Variants in ZNF469 observed in about 807,000 individuals in gnomAD.
The protein encoded by ZNF469 is zinc finger protein 469.
Under a neutral mutation model 1.0 loss-of-function variants are expected in ZNF469, and 1 was observed. That is an observed-to-expected ratio of 1.00 (90% CI 0.35 to 4.73). The LOEUF (loss-of-function observed/expected upper bound fraction) is 4.73. ZNF469 is among the 30% of genes most tolerant of loss of function. ZNF469 has a pLI of 0.16. For missense variants in ZNF469, 6,100 were observed against 5,356.3 expected (o/e 1.14, Z -4.33); for synonymous variants, 2,703 against 2,363.4 (o/e 1.14, Z -4.17).
chr16:88,381,502 A>G (rs2092525324), upstream of ZNF469, among the ~76,000 whole-genome samples: 1 of 152,240 alleles, frequency 6.6e-6, no homozygotes, highest in Non-Finnish European at 1.5e-5. Context: ...GAAGGAAGGA[A>G]ACGCCCTCTG....
chr16:88,204,493 G>A, the ZNF469 span, among the ~76,000 whole-genome samples: 2 of 152,226 alleles, frequency 1.3e-5, no homozygotes, highest in African/African-American at 2.4e-5. Flanking sequence ...GGCCCTCCTC[G>A]TCCCTCTTCG....
Position 88,427,533 on chromosome 16 carries a change from C to A in ZNF469, c.63C>A (p.Arg21=). 6.5e-7 allele frequency: 1 copy of A among 1,535,932 alleles called. No individual in the cohort carries two copies. Among genetic ancestry groups the A allele is most frequent in the Non-Finnish European group, 8.7e-7 (1 of 1,145,738 alleles). ...CCATGACTGGAGACCTGCAGCCCCG[C>A]CAAGTTGCCAGCAGCCCGGGGCACC... is the stretch of plus-strand genomic sequence containing the variant. The part of the protein sequence containing the change: ...PPTMTGDLQP[R]QVASSPGHPS... The change falls in exon 3 of 3, where the codon CGC becomes CGA. Residue 21 remains arginine, a synonymous_variant. Transcript: ENST00000565624.
chr16:88,297,197 C>T, the ZNF469 span, among the ~76,000 whole-genome samples: 2 of 152,134 alleles, frequency 1.3e-5, no homozygotes, highest in Non-Finnish European at 2.9e-5. Flanking sequence ...GGCTCAGTGG[C>T]GATGGGAGAT....
the ZNF469 span, among the ~76,000 whole-genome samples, chr16:88,206,435 G>C: frequency 6.6e-6 from 1 of 152,164 alleles, no homozygotes; most frequent in Non-Finnish European, 1.5e-5. Flanking sequence ...CTAAGAGCAA[G>C]CAGAGGCCCT....
At chr16:88,263,921 G>A in the ZNF469 span, among the ~76,000 whole-genome samples, 7 of 152,150 alleles carry the variant, frequency 4.6e-5, no homozygotes, top group African/African-American at 1.4e-4. Flanking sequence ...GCGTGGCCAT[G>A]AGACCCCAGG....
the ZNF469 span, among the ~76,000 whole-genome samples, chr16:88,247,243 G>A: frequency 6.7e-6 from 1 of 150,128 alleles, no homozygotes; most frequent in Non-Finnish European, 1.5e-5. Flanking sequence ...AGTGAATGGT[G>A]AATGAGTGAA....
chr16:88,301,345 G>A, the ZNF469 span, among the ~76,000 whole-genome samples: 2 of 152,150 alleles, frequency 1.3e-5, no homozygotes, highest in Admixed American at 6.5e-5. Flanking sequence ...TAGTAGAGAC[G>A]GGGTCTCACC....
At chr16:88,144,206 C>T in the ZNF469 span, among the ~76,000 whole-genome samples, 6 of 152,224 alleles carry the variant, frequency 3.9e-5, no homozygotes, top group East Asian at 1.9e-4. Flanking sequence ...AGGCCAAAGG[C>T]GTGGTGGGGA....
chr16:88,226,242 A>C, the ZNF469 span, among the ~76,000 whole-genome samples: 1 of 151,928 alleles, frequency 6.6e-6, no homozygotes, highest in East Asian at 1.9e-4. Flanking sequence ...TTAAGGCTTC[A>C]CCCCCAGCAC....
the ZNF469 span, among the ~76,000 whole-genome samples, chr16:88,260,941 G>T: frequency 6.6e-6 from 1 of 152,198 alleles, no homozygotes; most frequent in Non-Finnish European, 1.5e-5. This position sits in a 1 kb window ranked among gnomAD's most constrained non-coding sequence, Gnocchi z 4.1. Flanking sequence ...GCAGACTCTG[G>T]TGTGATGCAG....
chr16:88,385,829 G>A (rs1242139167), intron 1 of ZNF469, among the ~76,000 whole-genome samples: 3 of 151,996 alleles, frequency 2.0e-5, no homozygotes, highest in Non-Finnish European at 4.4e-5. Context: ...AAAATGGGGA[G>A]CCCTCACAGG....
At chr16:88,302,968 A>G in the ZNF469 span, among the ~76,000 whole-genome samples, 7 of 152,186 alleles carry the variant, frequency 4.6e-5, no homozygotes, top group Non-Finnish European at 7.3e-5. Context: ...GGAACTCAGC[A>G]GTGCCAGCCT....
At position 88,430,014 on chromosome 16, in the gene ZNF469, C is replaced by A. The variant is rs759928652; in HGVS notation, c.2544C>A (p.Leu848=). ...TGGACAGCCTCATCACAGAGGCGCT[C>A]AACGGCATGGAGTACCAGTCGGACA... ...AKLDSLITEA[L]NGMEYQSDNP... is the part of the protein sequence containing the mutation. The change falls in exon 3 of 3, where the codon CTC becomes CTA. Residue 848 remains leucine, a synonymous_variant. Coordinates refer to ENST00000565624, the MANE Select transcript of ZNF469 (RefSeq NM_001367624.2). The A allele has an allele frequency of 3.2e-6, 5 of 1,550,378 alleles. No individual in the cohort carries two copies. The highest frequency in any genetic ancestry group is 4.4e-6 in the Non-Finnish European group (5 of 1,146,966).
At chr16:88,199,752 G>A in the ZNF469 span, among the ~76,000 whole-genome samples, 1 of 152,228 alleles carries the variant, frequency 6.6e-6, no homozygotes, top group East Asian at 1.9e-4. Context: ...GCAGCCTCAG[G>A]TCACACCACC....
chr16:88,353,765 G>T, the ZNF469 span, among the ~76,000 whole-genome samples: 2 of 152,204 alleles, frequency 1.3e-5, no homozygotes, highest in Non-Finnish European at 2.9e-5. Flanking sequence ...GGGAAGATGA[G>T]CCCAGGATGA....
chr16:88,398,188 G>T (rs1437376229), intron 1 of ZNF469, among the ~76,000 whole-genome samples: 1 of 152,240 alleles, frequency 6.6e-6, no homozygotes, highest in African/African-American at 2.4e-5. Flanking sequence ...AGAGTGGCAG[G>T]TGGGGCTGTG....
chr16:88,438,213 G>C lies in ZNF469; in HGVS notation c.10743G>C (p.Glu3581Asp), dbSNP rs1372539272. ...LDGALERPENEASPGSPGPLL... is the reference protein window; with the variant it reads ...LDGALERPENDASPGSPGPLL... ...GAGCCCTGGAGAGGCCAGAGAACGAGGCTTCCCCAGGCAGCCCCGGGCCTC... is the reference window on the plus strand; with the variant it reads ...GAGCCCTGGAGAGGCCAGAGAACGACGCTTCCCCAGGCAGCCCCGGGCCTC... The change falls in exon 3 of 3, where the codon GAG becomes GAC. Residue 3581 changes from glutamate to aspartate, a missense_variant. Transcript: ENST00000565624. The C allele has an allele frequency of 3.2e-6, 5 of 1,546,954 alleles. No homozygotes were observed. Among genetic ancestry groups the C allele is most frequent in the Non-Finnish European group, 8.7e-7 (1 of 1,144,596 alleles).
chr16:88,262,036 T>C, the ZNF469 span, among the ~76,000 whole-genome samples: 1 of 152,232 alleles, frequency 6.6e-6, no homozygotes, highest in Admixed American at 6.5e-5. The surrounding 1 kb of genome is among the most constrained non-coding windows in gnomAD (Gnocchi z 4.3). Context: ...CCAAACCAAC[T>C]TCCTGGAGCT....
the ZNF469 span, among the ~76,000 whole-genome samples, chr16:88,231,351 C>T: frequency 1.3e-5 from 2 of 152,320 alleles, no homozygotes; most frequent in Admixed American, 6.5e-5. This position sits in a 1 kb window ranked among gnomAD's most constrained non-coding sequence, Gnocchi z 4.5. Flanking sequence ...AAGAGAAGCC[C>T]CATCGCCCTA....
Sources: allele counts gnomAD v4.1 joint callset (sites outside exome capture counted in the v4.1 genomes callset), GRCh38; gene constraint gnomAD v4.1.1; non-coding constraint Gnocchi (gnomAD v3.1); transcripts MANE v1.5; gene names NCBI Gene and HGNC (gene_info 2026-07-23, HGNC 2026-07-21).